Variants in BTRC observed in about 807,000 individuals in gnomAD.
The protein encoded by BTRC is beta-transducin repeat containing E3 ubiquitin protein ligase, also known as F-box/WD repeat-containing protein 1A.
In BTRC, 42 loss-of-function variants were observed where a neutral mutation model predicts 85.5. That is an observed-to-expected ratio of 0.49 (90% CI 0.38 to 0.64). BTRC has a LOEUF of 0.64. BTRC is among the 30% of genes least tolerant of loss of function. The pLI is 0.00. For missense variants in BTRC, 594 were observed against 743.5 expected, an observed-to-expected ratio of 0.80 and a Z score of 2.34; for synonymous variants, 255 against 263.3, an observed-to-expected ratio of 0.97 and a Z score of 0.30.
chr10:101,401,943 A>C (rs563785860), intron 1 of BTRC, among the ~76,000 whole-genome samples: 9 of 152,162 alleles, frequency 5.9e-5, no homozygotes, highest in African/African-American at 2.2e-4. Flanking sequence ...TGTTAGAAAA[A>C]TTTGGTTATT....
chr10:101,504,497 C>T (rs1258937532), intron 4 of BTRC, among the ~76,000 whole-genome samples: 4 of 151,920 alleles, frequency 2.6e-5, no homozygotes, highest in Non-Finnish European at 5.9e-5. Flanking sequence ...TCCCCTAGAC[C>T]TGCTTATCCC....
chr10:101,493,773 C>CA (rs1282549071), intron 4 of BTRC, among the ~76,000 whole-genome samples: 1 of 152,106 alleles, frequency 6.6e-6, no homozygotes, highest in Non-Finnish European at 1.5e-5. Context: ...TTAGCAGCCA[C>CA]AAAAAAGTAA....
chr10:101,390,455 A>G (rs1168302260), intron 1 of BTRC, among the ~76,000 whole-genome samples: 1 of 150,362 alleles, frequency 6.7e-6, no homozygotes, highest in Non-Finnish European at 1.5e-5. Context: ...CTCCTGCCTC[A>G]GTCTCCTGAG....
At chr10:101,455,741 G>A (rs1036927508) in intron 2 of BTRC, among the ~76,000 whole-genome samples, 1 of 152,132 alleles carries the variant, frequency 6.6e-6, no homozygotes, top group African/African-American at 2.4e-5. Flanking sequence ...TTGATGAAGT[G>A]TTAAGTTGGC....
At chr10:101,505,165 A>ATGTG (rs1946499230) in intron 4 of BTRC, among the ~76,000 whole-genome samples, 3 of 143,004 alleles carry the variant, frequency 2.1e-5, no homozygotes, top group Non-Finnish European at 4.6e-5. Context: ...ATGTATATAT[A>ATGTG]TATATATATA....
chr10:101,500,797 G>A (rs1010679645), intron 4 of BTRC, among the ~76,000 whole-genome samples: 1 of 152,140 alleles, frequency 6.6e-6, no homozygotes, highest in African/African-American at 2.4e-5. Context: ...CAGAATGATA[G>A]CATTTCTTTG....
intron 1 of BTRC, among the ~76,000 whole-genome samples, chr10:101,366,888 T>TAA (rs1942423736): frequency 4.1e-5 from 1 of 24,644 alleles, no homozygotes; most frequent in African/African-American, 1.1e-4. Flanking sequence ...TTATATATAT[T>TAA]TATATATATT....
chr10:101,392,781 C>A (rs1401887161), intron 1 of BTRC, among the ~76,000 whole-genome samples: 4 of 152,176 alleles, frequency 2.6e-5, no homozygotes, highest in Admixed American at 1.3e-4. Flanking sequence ...GCCTCGGCCT[C>A]CCAAAGTGCT....
rs151298538 is a variant in BTRC, at chr10:101,482,061, C to T, written c.324+2604C>T. ...GTGAGATGGAGTCTCACTTTGTCAC[C>T]CAGGCTGGAGTGCGGTGGTGCCATC... On this transcript the variant is annotated intron_variant, in intron 4 of 14. Coordinates refer to ENST00000370187, the MANE Select transcript of BTRC (RefSeq NM_033637.4). 3.4e-3 allele frequency among the ~76,000 whole-genome samples: 518 copies of T among 152,312 alleles called. 3 individuals carry two copies. Among genetic ancestry groups the T allele is most frequent in the African/African-American group, 0.012 (497 of 41,568 alleles).
At chr10:101,399,531 C>T (rs187152872) in intron 1 of BTRC, among the ~76,000 whole-genome samples, 19 of 152,180 alleles carry the variant, frequency 1.2e-4, no homozygotes, top group Admixed American at 3.9e-4. Flanking sequence ...CTGTCAGTAC[C>T]TATATTCCGT....
At chr10:101,440,883 A>G (rs534502332) in intron 2 of BTRC, among the ~76,000 whole-genome samples, 2 of 152,316 alleles carry the variant, frequency 1.3e-5, no homozygotes, top group East Asian at 3.9e-4. Flanking sequence ...ATACTTGTAA[A>G]ATATAAGTCC....
At chr10:101,387,160 T>C (rs1191938065) in intron 1 of BTRC, among the ~76,000 whole-genome samples, 5 of 152,080 alleles carry the variant, frequency 3.3e-5, no homozygotes, top group African/African-American at 9.7e-5. Context: ...ATCTTATTCA[T>C]ATAGCTTTTT....
intron 4 of BTRC, among the ~76,000 whole-genome samples, chr10:101,488,583 C>CT (rs1485654186): frequency 2.6e-5 from 4 of 151,980 alleles, no homozygotes; most frequent in Admixed American, 6.6e-5. Context: ...TTTCCTAGAC[C>CT]TTTTTTGGAA....
At chr10:101,438,749 A>G (rs1249101851) in intron 2 of BTRC, among the ~76,000 whole-genome samples, 1 of 152,206 alleles carries the variant, frequency 6.6e-6, no homozygotes, top group East Asian at 1.9e-4. Flanking sequence ...GATTTTTAAA[A>G]AGCAGGTCAT....
chr10:101,369,913 G>T (rs1390141331), intron 1 of BTRC, among the ~76,000 whole-genome samples: 1 of 152,088 alleles, frequency 6.6e-6, no homozygotes, highest in African/African-American at 2.4e-5. Context: ...TGTTGCTGCT[G>T]TTCCCCACAC....
intron 2 of BTRC, among the ~76,000 whole-genome samples, chr10:101,453,842 G>A (rs1006450792): frequency 6.6e-6 from 1 of 152,192 alleles, no homozygotes; most frequent in Non-Finnish European, 1.5e-5. Flanking sequence ...GCCAAACTTT[G>A]TCTGTAAAGG....
intron 1 of BTRC, among the ~76,000 whole-genome samples, chr10:101,375,791 T>C (rs1042733190): frequency 3.9e-5 from 6 of 152,266 alleles, no homozygotes; most frequent in Admixed American, 3.3e-4. Context: ...TAGTTCTTTT[T>C]CCCCCCTCTT....
intron 6 of BTRC, among the ~76,000 whole-genome samples, chr10:101,527,420 AG>A (rs2062208344): frequency 6.6e-6 from 1 of 152,188 alleles, no homozygotes; most frequent in African/African-American, 2.4e-5. Context: ...ATTGAATTAA[AG>A]GAACAAAAAA....
At chr10:101,436,140 G>A (rs1394260176) in intron 2 of BTRC, among the ~76,000 whole-genome samples, 1 of 152,148 alleles carries the variant, frequency 6.6e-6, no homozygotes, top group African/African-American at 2.4e-5. Context: ...CCTGGAAAGT[G>A]TATGAGTGAT....
Sources: gnomAD v4.1 joint callset for allele counts (sites outside exome capture counted in the v4.1 genomes callset) on GRCh38, gnomAD v4.1.1 for gene constraint, MANE v1.5 for transcripts, NCBI Gene and HGNC (gene_info 2026-07-23, HGNC 2026-07-21) for gene names.